TUBA4B: variants seen among roughly 807,000 people sequenced by gnomAD.
TUBA4B encodes tubulin-like protein alpha-4B.
Under a neutral mutation model 18.4 loss-of-function variants are expected in TUBA4B, and 13 were observed. The observed-to-expected ratio is 0.71, with a 90% CI of 0.46 to 1.12. The LOEUF (loss-of-function observed/expected upper bound fraction) is 1.12, where lower values mean the gene tolerates loss of function less well. TUBA4B is among the 50% of genes most tolerant of loss of function. TUBA4B has a pLI of 0.00. For synonymous variants in TUBA4B, 101 were observed against 99.1 expected (o/e 1.02, Z -0.11); for missense variants, 244 against 250.0 (o/e 0.98, Z 0.16).
At chr2:219,254,234 T>C in intron 1 of TUBA4B, 1 of 206,628 alleles carries the variant, frequency 4.8e-6, no homozygotes, top group Non-Finnish European at 9.7e-6. Context: ...ACCTGCGTCC[T>C]GGAGGCACCG....
At chr2:219,267,470 T>C (rs1224531004) in intron 2 of TUBA4B, among the ~76,000 whole-genome samples, 1 of 152,094 alleles carries the variant, frequency 6.6e-6, no homozygotes, top group Non-Finnish European at 1.5e-5. Context: ...CTTTCTACAG[T>C]CATGAAAAAG....
At chr2:219,270,527 C>G (rs1332713935) in intron 3 of TUBA4B, among the ~76,000 whole-genome samples, 192 bp downstream of exon 3, 1 of 152,170 alleles carries the variant, frequency 6.6e-6, no homozygotes, top group Non-Finnish European at 1.5e-5. Flanking sequence ...CTGGTGTCCC[C>G]TGTATCTCCG....
chr2:219,253,324 C>G lies in TUBA4B; in HGVS notation c.-84C>G. On this transcript the variant is annotated 5_prime_UTR_variant, in exon 1 of 4. Coordinates refer to ENST00000490341, the MANE Select transcript of TUBA4B (RefSeq NM_001355221.1). ...AGGCCGAACCCCGTTCCCACCAACC[C>G]TCTCAGCTCAGACGCGGGGTGCTGA... 1 of 1,529,058 alleles carries G rather than the reference C, an allele frequency of 6.5e-7. No homozygotes were observed. The highest frequency in any genetic ancestry group is 8.7e-7 in the Non-Finnish European group (1 of 1,143,522). The allele number at this position is 1,529,058 out of a possible 1,614,324, so 94.7% of individuals were successfully genotyped here. A position where few individuals can be genotyped will look rare whatever the true frequency, so the allele number is the denominator to read the frequency against.
chr2:219,259,816 A>C (rs1951748900), intron 1 of TUBA4B, among the ~76,000 whole-genome samples: 1 of 152,180 alleles, frequency 6.6e-6, no homozygotes, highest in Non-Finnish European at 1.5e-5. Context: ...TTTCCAGACT[A>C]GAGCATCTCC....
intron 2 of TUBA4B, among the ~76,000 whole-genome samples, chr2:219,269,526 C>T (rs1951812188): frequency 6.6e-6 from 1 of 152,202 alleles, no homozygotes; most frequent in Admixed American, 6.5e-5. Flanking sequence ...GGAACCTTGG[C>T]CCTCAGCCAA....
chr2:219,253,711 G>T, intron 1 of TUBA4B: 1 of 1,017,388 alleles, frequency 9.8e-7, no homozygotes, highest in East Asian at 2.6e-5. Context: ...CCAGGAGGGG[G>T]TTGGGGAGGG....
chr2:219,264,733 G>A (rs937250300), intron 1 of TUBA4B, among the ~76,000 whole-genome samples: 1 of 152,134 alleles, frequency 6.6e-6, no homozygotes, highest in African/African-American at 2.4e-5. Context: ...TCAGAATGGC[G>A]TGCAGTTTAA....
At chr2:219,271,112 C>T in intron 3 of TUBA4B, 54 bp from the exon 4 acceptor site, 2 of 662,232 alleles carry the variant, frequency 3.0e-6, no homozygotes, top group Non-Finnish European at 2.7e-6. Flanking sequence ...TGGTTCTTTC[C>T]TGTCCATCAG....
chr2:219,272,033 G>A lies in TUBA4B; in HGVS notation c.*334G>A, dbSNP rs1327909716. On this transcript the variant is annotated 3_prime_UTR_variant, in exon 4 of 4. Transcript: ENST00000490341. ...GATATGTGGGTGAGGGCATGGAGGAGGGTGAGTTCTCCAAGGCCCATGAGG... is the reference window on the plus strand; with the variant it reads ...GATATGTGGGTGAGGGCATGGAGGAAGGTGAGTTCTCCAAGGCCCATGAGG... 6.8e-7 allele frequency: 1 copy of A among 1,475,104 alleles called. No individual in the cohort carries two copies. The highest frequency in any genetic ancestry group is 1.4e-5 in the African/African-American group (1 of 71,948). 91.4% of individuals were successfully genotyped at this position (1,475,104 alleles called of 1,614,324 possible).
At chr2:219,254,965 C>G (rs1951705092) in intron 1 of TUBA4B, among the ~76,000 whole-genome samples, 1 of 152,186 alleles carries the variant, frequency 6.6e-6, no homozygotes, top group Non-Finnish European at 1.5e-5. Context: ...CACTCAGCCC[C>G]TGGTCTCCGC....
chr2:219,271,247 C>A lies in TUBA4B; in HGVS notation c.274C>A (p.Leu92Met). ...RGTGSDVTSF[L>M]MEWLSVNYGK... ...CACTGGCTCTGACGTCACCTCATTC[C>A]TGATGGAGTGGCTTTCTGTTAACTA... The change falls in exon 4 of 4, where the codon CTG becomes ATG. Residue 92 changes from leucine (L) to methionine (M), a missense_variant. Transcript: ENST00000490341. The A allele has an allele frequency of 7.4e-7, 1 of 1,348,974 alleles. No individual in the cohort carries two copies. The highest frequency in any genetic ancestry group is 1.1e-6 in the Non-Finnish European group (1 of 938,540). 83.6% of individuals were successfully genotyped at this position (1,348,974 alleles called of 1,614,324 possible). A position where few individuals can be genotyped will look rare whatever the true frequency, so the allele number is the denominator to read the frequency against.
chr2:219,269,493 C>T (rs527284891), intron 2 of TUBA4B, among the ~76,000 whole-genome samples: 12 of 152,244 alleles, frequency 7.9e-5, no homozygotes, highest in Non-Finnish European at 1.0e-4. Context: ...ATGCAGGAGG[C>T]GAGGCAAGCA....
chr2:219,269,804 CAT>C (rs1951814300), intron 2 of TUBA4B, among the ~76,000 whole-genome samples: 1 of 152,088 alleles, frequency 6.6e-6, no homozygotes, highest in Non-Finnish European at 1.5e-5. Context: ...GGCTGGGAAA[CAT>C]GTGCCCCAGG....
At chr2:219,260,670 C>G (rs886394966) in intron 1 of TUBA4B, among the ~76,000 whole-genome samples, 79 of 152,270 alleles carry the variant, frequency 5.2e-4, no homozygotes, top group Non-Finnish European at 5.4e-4. Context: ...CTTCCAAGTG[C>G]TTGAGTTAAA....
chr2:219,255,092 C>T (rs1432583785), intron 1 of TUBA4B, among the ~76,000 whole-genome samples: 1 of 152,070 alleles, frequency 6.6e-6, no homozygotes, highest in African/African-American at 2.4e-5. Context: ...GCTGTGTCAC[C>T]CAGGCTAGAG....
rs1356426206 is a variant in TUBA4B at position 219,271,785 on chromosome 2, T to C, written c.*86T>C. On this transcript the variant is annotated 3_prime_UTR_variant, in exon 4 of 4. Transcript: ENST00000490341. ...TGCCCAAGGATGTCAACGCTGCCAT[T>C]GCTGCCATCAAGACCAAGTGCAGCA... 6.2e-7 allele frequency: 1 copy of C among 1,608,838 alleles called. No homozygotes were observed. Among genetic ancestry groups the C allele is most frequent in the Admixed American group, 1.7e-5 (1 of 60,006 alleles).
intron 1 of TUBA4B, among the ~76,000 whole-genome samples, chr2:219,258,245 C>T (rs1951735802): frequency 6.6e-6 from 1 of 152,038 alleles, no homozygotes; most frequent in African/African-American, 2.4e-5. Flanking sequence ...CCTGCCTTGG[C>T]CTCTCAAAGT....
At chr2:219,266,248 C>T (rs1017465551) in intron 1 of TUBA4B, 4 of 410,954 alleles carry the variant, frequency 9.7e-6, no homozygotes, top group African/African-American at 2.0e-5. Flanking sequence ...AATGGGATTG[C>T]GTGACTGACA....
intron 1 of TUBA4B, among the ~76,000 whole-genome samples, chr2:219,259,543 T>C (rs1026896641): frequency 4.6e-5 from 7 of 152,088 alleles, no homozygotes; most frequent in Non-Finnish European, 7.4e-5. Flanking sequence ...ATCTAGAAAA[T>C]GCTACCAGAT....
Sources: gnomAD v4.1 joint callset for allele counts (sites outside exome capture counted in the v4.1 genomes callset) on GRCh38, gnomAD v4.1.1 for gene constraint, MANE v1.5 for transcripts, NCBI Gene and HGNC (gene_info 2026-07-23, HGNC 2026-07-21) for gene names.